The following TEAD1 variants were observed in gnomAD, a reference collection of about 807,000 sequenced individuals.
TEAD1 encodes the protein transcriptional enhancer factor TEF-1.
In TEAD1, 9 loss-of-function variants were observed where a neutral mutation model predicts 54.9. The ratio of observed to expected loss-of-function variants is 0.16; its 90% CI spans 0.10 to 0.29. The LOEUF (loss-of-function observed/expected upper bound fraction) is 0.29. TEAD1 is among the 10% of genes least tolerant of loss of function. The pLI, the probability that TEAD1 is intolerant of heterozygous loss-of-function variation, is 1.00. For synonymous variants in TEAD1, 200 were observed against 187.8 expected, an observed-to-expected ratio of 1.07 and a Z score of -0.53; for missense variants, 387 against 535.9, an observed-to-expected ratio of 0.72 and a Z score of 2.74.
chr11:12,902,372 T>G (rs897458568), intron 10 of TEAD1, among the ~76,000 whole-genome samples: 1 of 152,264 alleles, frequency 6.6e-6, no homozygotes, highest in African/African-American at 2.4e-5. Context: ...TGGACTTCAC[T>G]TAAATTCCCG....
chr11:12,706,865 C>A (rs1450370899), intron 2 of TEAD1, among the ~76,000 whole-genome samples: 1 of 152,188 alleles, frequency 6.6e-6, no homozygotes, highest in Non-Finnish European at 1.5e-5. Flanking sequence ...TGGGCCTCTT[C>A]TTCCAGGCAA....
intron 3 of TEAD1, among the ~76,000 whole-genome samples, chr11:12,803,940 T>G (rs1418854525): frequency 2.0e-5 from 3 of 152,198 alleles, no homozygotes; most frequent in African/African-American, 7.2e-5. Flanking sequence ...AGGCGGTACG[T>G]ATCACAGATT....
At chr11:12,768,989 C>G (rs1263008705) in intron 3 of TEAD1, among the ~76,000 whole-genome samples, 1 of 152,184 alleles carries the variant, frequency 6.6e-6, no homozygotes, top group African/African-American at 2.4e-5. Flanking sequence ...GATCACAAGC[C>G]TGGCCTCGGT....
At chr11:12,883,840 C>T (rs1037812727) in intron 9 of TEAD1, among the ~76,000 whole-genome samples, 20 of 151,900 alleles carry the variant, frequency 1.3e-4, no homozygotes, top group Non-Finnish European at 1.2e-4. Flanking sequence ...GGTGAAACCC[C>T]GTCTCTACTA....
At chr11:12,917,626 G>A (rs1481409531) in intron 10 of TEAD1, among the ~76,000 whole-genome samples, 3 of 152,318 alleles carry the variant, frequency 2.0e-5, no homozygotes, top group Non-Finnish European at 4.4e-5. Flanking sequence ...CAGCATTATT[G>A]AAGTGATTTT....
At chr11:12,914,636 G>C (rs1438082746) in intron 10 of TEAD1, among the ~76,000 whole-genome samples, 1 of 152,244 alleles carries the variant, frequency 6.6e-6, no homozygotes, top group African/African-American at 2.4e-5. Context: ...GAAGGCACTT[G>C]CCTGCAAATG....
At chr11:12,875,573 A>C (rs1947838201) in intron 5 of TEAD1, among the ~76,000 whole-genome samples, 1 of 152,326 alleles carries the variant, frequency 6.6e-6, no homozygotes, top group East Asian at 1.9e-4. Context: ...TTCAATATAT[A>C]TTGTAGATAA....
chr11:12,928,563 C>G (rs1275453422), intron 11 of TEAD1, among the ~76,000 whole-genome samples: 3 of 152,108 alleles, frequency 2.0e-5, no homozygotes. Flanking sequence ...AGCTGTCACA[C>G]CCAACTATAT....
intron 3 of TEAD1, among the ~76,000 whole-genome samples, chr11:12,826,263 T>G (rs1270210245): frequency 6.6e-6 from 1 of 152,184 alleles, no homozygotes; most frequent in Non-Finnish European, 1.5e-5. Flanking sequence ...ATATTTTTAC[T>G]TACCACTCAA....
intron 2 of TEAD1, among the ~76,000 whole-genome samples, chr11:12,756,527 A>G (rs762453383): frequency 3.3e-4 from 51 of 152,334 alleles, no homozygotes; most frequent in Non-Finnish European, 8.8e-5. Context: ...AAAGCAATTA[A>G]CCATTATTAG....
intron 2 of TEAD1, among the ~76,000 whole-genome samples, chr11:12,760,742 C>T (rs567026592): frequency 2.0e-4 from 30 of 152,292 alleles, no homozygotes; most frequent in African/African-American, 6.3e-4. Flanking sequence ...GTGGTTGATA[C>T]TCTCAGAGCC....
intron 3 of TEAD1, chr11:12,828,199 TC>T (rs1946695505): frequency 6.6e-6 from 1 of 152,218 alleles, no homozygotes; most frequent in African/African-American, 2.4e-5. Flanking sequence ...GGAGCTCTCT[TC>T]CTGGTGGAGA....
rs73411224 is a variant in TEAD1 at position 12,929,854 on chromosome 11, A to T, written c.1015-320A>T. Among the ~76,000 whole-genome samples the T allele has an allele frequency of 8.3e-3, 1,270 of 152,260 alleles. 11 individuals are homozygous for T. Among genetic ancestry groups the T allele is most frequent in the African/African-American group, 0.029 (1,215 of 41,548 alleles). Reference sequence around the variant, plus strand: ...CTGTAGCTAGCTGGGGCCTGCTCTTACAGATCTCCTCCAGGTAAAGCATCA... The same window carrying T: ...CTGTAGCTAGCTGGGGCCTGCTCTTTCAGATCTCCTCCAGGTAAAGCATCA... On this transcript the variant is annotated intron_variant, in intron 11 of 12. Transcript: ENST00000527636.
intron 2 of TEAD1, among the ~76,000 whole-genome samples, chr11:12,759,309 T>G (rs1346075626): frequency 6.6e-6 from 1 of 151,930 alleles, no homozygotes; most frequent in Non-Finnish European, 1.5e-5. Context: ...TAATAAAATG[T>G]GTATTGGTTG....
intron 2 of TEAD1, among the ~76,000 whole-genome samples, chr11:12,752,557 A>C (rs1403428332): frequency 5.3e-5 from 8 of 151,972 alleles, no homozygotes. Context: ...TTTTTTCCTC[A>C]ATATTGCGTT....
In TEAD1 at chr11:12,807,393, G is replaced by A. The variant is rs1306515409; in HGVS notation, c.202+42959G>A. Reference sequence around the variant, plus strand: ...AGGGGGCAGTATGTTTAATAGGTTAGTGTGGATACGTGGGTCCTGAAATCA... The same window carrying A: ...AGGGGGCAGTATGTTTAATAGGTTAATGTGGATACGTGGGTCCTGAAATCA... On this transcript the variant is annotated intron_variant, in intron 3 of 12. Coordinates refer to ENST00000527636, the MANE Select transcript of TEAD1 (RefSeq NM_021961.6). Among the ~76,000 whole-genome samples, 6 of 152,294 alleles carry A rather than the reference G, an allele frequency of 3.9e-5. No individual in the cohort carries two copies. In the East Asian group the frequency reaches 5.8e-4, roughly 15 times the overall value.
Position 12,856,070 on chromosome 11 carries a change from G to A in TEAD1, c.203-6180G>A, listed in dbSNP as rs1947370996. Among the ~76,000 whole-genome samples, 3 of 151,630 alleles carry A rather than the reference G, an allele frequency of 2.0e-5. No homozygotes were observed. In the South Asian group the frequency reaches 6.3e-4, roughly 32 times the overall value. ...CTCCCCATGCTTTGTGCTGATGCCG[G>A]CATGGGGTCTCCTGTGGAAGACATC... is the stretch of plus-strand genomic sequence containing the variant. On this transcript the variant is annotated intron_variant, in intron 3 of 12. Coordinates refer to ENST00000527636, the MANE Select transcript of TEAD1 (RefSeq NM_021961.6).
intron 9 of TEAD1, among the ~76,000 whole-genome samples, chr11:12,893,720 G>A (rs780467787): frequency 6.6e-6 from 1 of 152,168 alleles, no homozygotes; most frequent in Non-Finnish European, 1.5e-5. Flanking sequence ...CTCGGTGTGA[G>A]ATCCCGGAAG....
chr11:12,885,897 G>C (rs2134104631), intron 9 of TEAD1, among the ~76,000 whole-genome samples: 1 of 152,308 alleles, frequency 6.6e-6, no homozygotes, highest in East Asian at 1.9e-4. Context: ...TACAGGAGAG[G>C]GGCTCATCGC....
Sources: allele counts gnomAD v4.1 joint callset (sites outside exome capture counted in the v4.1 genomes callset), GRCh38; gene constraint gnomAD v4.1.1; transcripts MANE v1.5; gene names NCBI Gene and HGNC (gene_info 2026-07-23, HGNC 2026-07-21).